The following ABLIM1 variants were observed in gnomAD, a reference collection of about 807,000 sequenced individuals.
ABLIM1 encodes actin binding LIM protein 1.
Under a neutral mutation model 107.0 loss-of-function variants are expected in ABLIM1, and 40 were observed. That is an observed-to-expected ratio of 0.37 (90% CI 0.29 to 0.49). The LOEUF (loss-of-function observed/expected upper bound fraction) is 0.49, where lower values mean the gene tolerates loss of function less well. Ranked by LOEUF, ABLIM1 falls within the 20% of genes least tolerant of loss-of-function variation. ABLIM1 has a pLI of 0.97. For synonymous variants in ABLIM1, 357 were observed against 357.3 expected, an observed-to-expected ratio of 1.00 and a Z score of 0.01; for missense variants, 857 against 1,008.5, an observed-to-expected ratio of 0.85 and a Z score of 2.04.
chr10:114,556,087 A>AG (rs2068696552), intron 4 of ABLIM1, among the ~76,000 whole-genome samples: 1 of 152,114 alleles, frequency 6.6e-6, no homozygotes, highest in Non-Finnish European at 1.5e-5. Context: ...AAAAAAAAAA[A>AG]CAAATTTAAG....
At chr10:114,445,534 A>G in intron 15 of ABLIM1, 131 bp from the exon 16 acceptor site, 4 of 748,128 alleles carry the variant, frequency 5.3e-6, no homozygotes, top group Non-Finnish European at 9.1e-6. Flanking sequence ...TAAGTAAACA[A>G]TACAAGAGAA....
At chr10:114,638,345 A>G (rs989085715) in intron 1 of ABLIM1, among the ~76,000 whole-genome samples, 15 of 152,288 alleles carry the variant, frequency 9.8e-5, no homozygotes, top group South Asian at 8.3e-4. Context: ...CCAAAGAGGA[A>G]CTTCATCAGG....
At chr10:114,721,367 T>C (rs979403273) in intron 1 of ABLIM1, among the ~76,000 whole-genome samples, 12 of 152,230 alleles carry the variant, frequency 7.9e-5, no homozygotes, top group African/African-American at 2.6e-4. Flanking sequence ...CCATTGAGCA[T>C]GTATGTCTAA....
chr10:114,774,005 T>C, the ABLIM1 span, among the ~76,000 whole-genome samples: 1 of 151,628 alleles, frequency 6.6e-6, no homozygotes, highest in Non-Finnish European at 1.5e-5. Flanking sequence ...AGAACTAGGA[T>C]AAAATGTGGT....
In ABLIM1 at chr10:114,619,463, C is replaced by T. The variant is rs963811491; in HGVS notation, c.245-17502G>A. ...TCACCTGCCTTGGCCTCCCAAAGTGCTAGGATTACAGGCGTGAGCCACTGT... is the reference window on the plus strand; with the variant it reads ...TCACCTGCCTTGGCCTCCCAAAGTGTTAGGATTACAGGCGTGAGCCACTGT... On this transcript the variant is annotated intron_variant, in intron 1 of 22. Coordinates refer to ENST00000533213, the MANE Select transcript of ABLIM1 (RefSeq NM_002313.7). The surrounding 1 kb of genome is among the most constrained non-coding windows in gnomAD (Gnocchi z 4.1). Among the ~76,000 whole-genome samples the T allele has an allele frequency of 6.6e-6, 1 of 152,134 alleles. No individual in the cohort carries two copies. Among genetic ancestry groups the T allele is most frequent in the African/African-American group, 2.4e-5 (1 of 41,434 alleles).
At chr10:114,723,631 T>C (rs2081897134) in intron 1 of ABLIM1, among the ~76,000 whole-genome samples, 1 of 152,252 alleles carries the variant, frequency 6.6e-6, no homozygotes, top group Non-Finnish European at 1.5e-5. Flanking sequence ...TGCAGGCAGC[T>C]TTCACTGCTT....
chr10:114,665,512 T>C (rs1424276550), intron 1 of ABLIM1, among the ~76,000 whole-genome samples: 2 of 152,248 alleles, frequency 1.3e-5, no homozygotes, highest in East Asian at 3.8e-4. Flanking sequence ...GAGAAGCTCT[T>C]AGAAAGAAAA....
chr10:114,494,303 C>A (rs2059395856), intron 6 of ABLIM1, among the ~76,000 whole-genome samples: 1 of 152,196 alleles, frequency 6.6e-6, no homozygotes, highest in South Asian at 2.1e-4. Context: ...GAGACGTAGG[C>A]AGGAGGCTCA....
At chr10:114,518,683 T>G (rs2063286368) in intron 6 of ABLIM1, among the ~76,000 whole-genome samples, 1 of 151,788 alleles carries the variant, frequency 6.6e-6, no homozygotes, top group Admixed American at 6.6e-5. Context: ...AGCCCATACG[T>G]AGCTGAGACA....
intron 1 of ABLIM1, among the ~76,000 whole-genome samples, chr10:114,717,230 G>A (rs900520665): frequency 3.9e-5 from 6 of 152,154 alleles, no homozygotes; most frequent in African/African-American, 1.4e-4. Context: ...CTACTCGTGG[G>A]AAGAAATTCT....
chr10:114,487,598 G>A (rs2058372358), intron 8 of ABLIM1, among the ~76,000 whole-genome samples: 1 of 152,178 alleles, frequency 6.6e-6, no homozygotes, highest in Non-Finnish European at 1.5e-5. Context: ...TCAGAGTAGT[G>A]CATTATAGAC....
chr10:114,702,685 C>G (rs1591848372), intron 1 of ABLIM1, among the ~76,000 whole-genome samples: 2 of 152,162 alleles, frequency 1.3e-5, no homozygotes, highest in South Asian at 4.2e-4. Flanking sequence ...CGCCACCACG[C>G]CCGGCTAATT....
intron 4 of ABLIM1, among the ~76,000 whole-genome samples, chr10:114,552,468 A>C (rs1029289578): frequency 5.3e-5 from 8 of 150,440 alleles, no homozygotes; most frequent in African/African-American, 2.0e-4. Context: ...TGTCCTACCC[A>C]GGAAAAATAA....
At chr10:114,684,363 T>C (rs769473414) in exon 1 of ABLIM1, 2 of 1,613,992 alleles carry the variant, frequency 1.2e-6, no homozygotes, top group Non-Finnish European at 1.7e-6. Context: ...TGCACAAAGC[T>C]CCAGGGTTTC....
chr10:114,635,879 A>G (rs1313781982), intron 1 of ABLIM1, among the ~76,000 whole-genome samples: 2 of 152,210 alleles, frequency 1.3e-5, no homozygotes, highest in Admixed American at 6.5e-5. Flanking sequence ...GAATTCAGCC[A>G]AAAGAAACCT....
intron 1 of ABLIM1, among the ~76,000 whole-genome samples, chr10:114,682,273 T>C (rs1009657881): frequency 1.3e-5 from 2 of 152,144 alleles, no homozygotes; most frequent in Non-Finnish European, 2.9e-5. Flanking sequence ...ATCAAAGTCT[T>C]AAATCAGCAG....
chr10:114,722,617 C>T (rs2081873150), intron 1 of ABLIM1, among the ~76,000 whole-genome samples: 1 of 152,338 alleles, frequency 6.6e-6, no homozygotes, highest in South Asian at 2.1e-4. Context: ...TAAATGAACA[C>T]ATTGTAAGGG....
intron 1 of ABLIM1, among the ~76,000 whole-genome samples, chr10:114,700,803 T>C (rs188083088): frequency 1.3e-5 from 2 of 152,120 alleles, no homozygotes; most frequent in African/African-American, 4.8e-5. Context: ...AGAGGAATCA[T>C]AGATGTAAAC....
the ABLIM1 span, among the ~76,000 whole-genome samples, chr10:114,780,152 C>T: frequency 6.6e-6 from 1 of 152,148 alleles, no homozygotes; most frequent in African/African-American, 2.4e-5. Context: ...TCTCTCTTCT[C>T]CACCTCATCT....
Sources: allele counts gnomAD v4.1 joint callset (sites outside exome capture counted in the v4.1 genomes callset), GRCh38; gene constraint gnomAD v4.1.1; non-coding constraint Gnocchi (gnomAD v3.1); transcripts MANE v1.5; gene names NCBI Gene and HGNC (gene_info 2026-07-23, HGNC 2026-07-21).